The following ARSH variants were observed in gnomAD, a reference collection of about 807,000 sequenced individuals.
ARSH encodes the protein arylsulfatase H.
A neutral mutation model predicts 28.7 loss-of-function variants in ARSH; 32 were observed. That is an observed-to-expected ratio of 1.11 (90% CI 0.84 to 1.50). The LOEUF is 1.50. Ranked by LOEUF, ARSH falls within the 40% of genes most tolerant of loss-of-function variation. ARSH has a pLI of 0.00. For missense variants in ARSH, 440 were observed against 452.4 expected (o/e 0.97, Z 0.25); for synonymous variants, 176 against 177.3 (o/e 0.99, Z 0.06).
At chrX:3,008,333 C>T in intron 1 of ARSH, among the ~76,000 whole-genome samples, 1 of 111,650 alleles carries the variant, frequency 9.0e-6, no homozygotes, top group Non-Finnish European at 1.9e-5. Flanking sequence ...AAATACATAG[C>T]ATCTTTTAGT....
chrX:3,018,905 A>G (rs1013446155), intron 5 of ARSH, among the ~76,000 whole-genome samples: 1 of 112,129 alleles, frequency 8.9e-6, no homozygotes, highest in Non-Finnish European at 1.9e-5. Flanking sequence ...CATCTTTAAA[A>G]TAAAGACAGC....
chrX:3,024,769 C>T (rs954753712), intron 6 of ARSH, among the ~76,000 whole-genome samples: 5 of 111,160 alleles, frequency 4.5e-5, no homozygotes, highest in South Asian at 3.8e-4. Flanking sequence ...GCAGATTCTT[C>T]CAGCTCACTT....
intron 8 of ARSH, 126 bp from the exon 9 acceptor site, chrX:3,032,892 G>C (rs764219646): frequency 3.0e-6 from 2 of 669,125 alleles, no homozygotes; most frequent in South Asian, 5.9e-5. Flanking sequence ...TACTGTTGCT[G>C]TGTAATGCTG....
chrX:3,028,945 G>A (rs1224205330), intron 7 of ARSH, among the ~76,000 whole-genome samples: 3 of 109,191 alleles, frequency 2.7e-5, no homozygotes, highest in African/African-American at 1.0e-4. Flanking sequence ...GGGCATGGTG[G>A]CGTGTGCCTG....
In ARSH at chrX:3,033,253, G is replaced by T; in HGVS notation, c.1557G>T (p.Arg519Ser). The T allele has an allele frequency of 8.3e-7, 1 of 1,211,625 alleles. No homozygotes were observed. Among genetic ancestry groups the T allele is most frequent in the South Asian group, 1.8e-5 (1 of 56,903 alleles). ...AGGCAGCCATAAGAGAGCATCGTAG[G>T]ACACTAACACCTGTCCCACAGCAGT... is the stretch of plus-strand genomic sequence containing the variant. ...KMEAAIREHR[R>S]TLTPVPQQFS... Residue 519 changes from arginine to serine, a missense_variant, in exon 9 of 9, where the codon AGG (arginine) becomes AGT (serine). Physicochemically the swap from Arg to Ser is moderately radical, Grantham distance 110 (BLOSUM62 -1). Coordinates refer to ENST00000381130, the MANE Select transcript of ARSH (RefSeq NM_001011719.2).
At position 3,012,375 on chromosome X, in the gene ARSH, T is replaced by G. The variant is rs1320768988; in HGVS notation, c.215-672T>G. Among the ~76,000 whole-genome samples the G allele has an allele frequency of 4.0e-5, 4 of 100,487 alleles. No individual in the cohort carries two copies. In the Admixed American group the frequency reaches 4.6e-4, roughly 12 times the overall value. 87.3% of individuals were successfully genotyped at this position (100,487 alleles called of 115,157 possible). A position where few individuals can be genotyped will look rare whatever the true frequency, so the allele number is the denominator to read the frequency against. On this transcript the variant is annotated intron_variant, in intron 2 of 8. Transcript: ENST00000381130. ...CAACATAGTGAAACCTCGTCTCTAC[T>G]AAAAACACACACACAAAAAATAGCC...
At chrX:3,009,051 G>A (rs1012656013) in intron 1 of ARSH, among the ~76,000 whole-genome samples, 1 of 111,452 alleles carries the variant, frequency 9.0e-6, no homozygotes, top group African/African-American at 3.3e-5. Context: ...ACTCCAAAAT[G>A]TCACAATTTG....
At chrX:3,010,284 T>C (rs1014642185) in intron 2 of ARSH, 133 bp downstream of exon 2, 8 of 855,516 alleles carry the variant, frequency 9.4e-6, no homozygotes, top group African/African-American at 2.0e-5. Context: ...AGGTGGTTGT[T>C]ATCCCTGGGC....
chrX:3,027,254 C>A, intron 6 of ARSH, 59 bp from the exon 7 acceptor site: 1 of 1,173,949 alleles, frequency 8.5e-7, no homozygotes, highest in Non-Finnish European at 1.2e-6. Context: ...GCCACCGTGC[C>A]CGGCCAATAT....
At chrX:3,007,703 A>T (rs1163620668) in intron 1 of ARSH, among the ~76,000 whole-genome samples, 1 of 105,080 alleles carries the variant, frequency 9.5e-6, no homozygotes, top group Non-Finnish European at 1.9e-5. Flanking sequence ...AGTCTATTTC[A>T]GGCTGCTATA....
At chrX:3,019,662 G>C (rs73439614) in intron 5 of ARSH, among the ~76,000 whole-genome samples, 119 of 111,110 alleles carry the variant, frequency 1.1e-3, no homozygotes, top group African/African-American at 3.4e-3. Flanking sequence ...CCATTGAAAC[G>C]AACAATCTCC....
intron 1 of ARSH, among the ~76,000 whole-genome samples, chrX:3,007,087 T>TA (rs371172636): frequency 2.6e-4 from 27 of 102,271 alleles, no homozygotes; most frequent in Admixed American, 8.5e-4. Flanking sequence ...ACAAAAATAA[T>TA]AAAAAAAAAA....
intron 7 of ARSH, among the ~76,000 whole-genome samples, 162 bp from the exon 8 acceptor site, chrX:3,029,077 CAAAAAAAA>C (rs377018684): frequency 2.5e-5 from 2 of 81,025 alleles, no homozygotes; most frequent in African/African-American, 8.9e-5. Context: ...GACTCCATTT[CAAAAAAAA>C]AAAAAAAGAA....
chrX:3,029,875 C>G (rs1226124141), intron 8 of ARSH, among the ~76,000 whole-genome samples: 1 of 110,633 alleles, frequency 9.0e-6, no homozygotes, highest in Non-Finnish European at 1.9e-5. Flanking sequence ...GAGATTTGTG[C>G]CCAAAGGGTT....
intron 2 of ARSH, among the ~76,000 whole-genome samples, chrX:3,012,473 G>A (rs1192154280): frequency 6.6e-5 from 6 of 90,691 alleles, no homozygotes; most frequent in African/African-American, 1.6e-4. Context: ...CCTGGGAGGC[G>A]GAGGTTGCAG....
At chrX:3,024,355 A>G (rs2089893095) in intron 6 of ARSH, among the ~76,000 whole-genome samples, 200 bp downstream of exon 6, 1 of 110,458 alleles carries the variant, frequency 9.1e-6, no homozygotes, top group African/African-American at 3.3e-5. Context: ...GTTTGAAGCA[A>G]CGCCAACCCC....
chrX:3,008,502 T>TTTCTTTC (rs1555913884), intron 1 of ARSH, among the ~76,000 whole-genome samples: 21 of 100,451 alleles, frequency 2.1e-4, no homozygotes, highest in African/African-American at 7.7e-4. Context: ...TCTTTCTTTC[T>TTTCTTTC]TTCTTTCTTT....
chrX:3,018,385 C>A, intron 4 of ARSH, 149 bp from the exon 5 acceptor site: 1 of 466,304 alleles, frequency 2.1e-6, no homozygotes, highest in Admixed American at 3.7e-5. Context: ...GTGGTATTTA[C>A]GACTCACAGG....
chrX:3,006,646 C>G lies in ARSH; in HGVS notation c.34C>G (p.Leu12Val), dbSNP rs753016158. The G allele has an allele frequency of 6.6e-6, 8 of 1,209,208 alleles. No individual in the cohort carries two copies. Among genetic ancestry groups the G allele is most frequent in the Non-Finnish European group, 8.9e-6 (8 of 894,991 alleles). Residue 12 changes from leucine (L) to valine (V), a missense_variant, in exon 1 of 9, where the codon CTG (leucine) becomes GTG (valine). Leu to Val is a conservative substitution (Grantham distance 32). Transcript: ENST00000381130. ...TRNARPNIVLLMADDLGVGDL... is the reference protein window; with the variant it reads ...TRNARPNIVLVMADDLGVGDL... ...AAACGCCAGACCCAACATTGTCCTG[C>G]TGATGGCAGATGACCTTGGAGTGGG...
Sources: gnomAD v4.1 joint callset for allele counts (sites outside exome capture counted in the v4.1 genomes callset) on GRCh38, gnomAD v4.1.1 for gene constraint, MANE v1.5 for transcripts, NCBI Gene and HGNC (gene_info 2026-07-23, HGNC 2026-07-21) for gene names.